CFAP54: variants seen among roughly 807,000 people sequenced by gnomAD.
CFAP54 encodes cilia and flagella associated protein 54.
In CFAP54, 290 loss-of-function variants were observed where a neutral mutation model predicts 370.4. The ratio of observed to expected loss-of-function variants is 0.78; its 90% CI spans 0.71 to 0.86. CFAP54 has a LOEUF of 0.86. Ranked by LOEUF, CFAP54 falls within the 40% of genes least tolerant of loss-of-function variation. CFAP54 has a pLI of 0.00. For synonymous variants in CFAP54, 1,206 were observed against 1,236.5 expected (o/e 0.98, Z 0.52); for missense variants, 3,399 against 3,528.7 (o/e 0.96, Z 0.93).
At chr12:96,791,851 CTTT>C (rs112115771) in intron 62 of CFAP54, among the ~76,000 whole-genome samples, 4 of 134,452 alleles carry the variant, frequency 3.0e-5, no homozygotes, top group Non-Finnish European at 4.9e-5. Flanking sequence ...ATTTTTTTTT[CTTT>C]TTTTTTTTTT....
At chr12:96,753,645 T>C in intron 55 of CFAP54, 98 bp from the exon 56 acceptor site, 1 of 1,179,834 alleles carries the variant, frequency 8.5e-7, no homozygotes, top group Non-Finnish European at 1.2e-6. Context: ...AAGTTCTTGA[T>C]AGATTTCATT....
intron 65 of CFAP54, among the ~76,000 whole-genome samples, chr12:96,828,223 C>T (rs1462202156): frequency 6.6e-6 from 1 of 150,840 alleles, no homozygotes; most frequent in Non-Finnish European, 1.5e-5. Flanking sequence ...CTTACAGTAA[C>T]TCAAGTCATT....
intron 15 of CFAP54, among the ~76,000 whole-genome samples, chr12:96,553,719 G>A (rs1287355660): frequency 6.6e-6 from 1 of 151,590 alleles, no homozygotes; most frequent in Non-Finnish European, 1.5e-5. Context: ...ACATTAAAAA[G>A]TGTTTAGTTT....
At chr12:96,814,229 C>G (rs2136730892) in intron 64 of CFAP54, among the ~76,000 whole-genome samples, 1 of 152,326 alleles carries the variant, frequency 6.6e-6, no homozygotes, top group East Asian at 1.9e-4. Flanking sequence ...ACTTCTTTCT[C>G]TAGGTATTGG....
At chr12:96,646,995 T>G (rs1956801674) in intron 33 of CFAP54, 1 of 152,102 alleles carries the variant, frequency 6.6e-6, no homozygotes, top group Non-Finnish European at 1.5e-5. Flanking sequence ...GAGATATACC[T>G]AATGTTAAAT....
chr12:96,857,481 A>G (rs979689087), intron 66 of CFAP54, among the ~76,000 whole-genome samples: 1 of 152,190 alleles, frequency 6.6e-6, no homozygotes, highest in Non-Finnish European at 1.5e-5. Flanking sequence ...TTCTTCTTTT[A>G]TGGCTGCATA....
At chr12:96,806,743 T>C (rs917955781) in intron 63 of CFAP54, among the ~76,000 whole-genome samples, 9 of 152,106 alleles carry the variant, frequency 5.9e-5, no homozygotes, top group Non-Finnish European at 1.2e-4. Context: ...TGGGCCAGGT[T>C]GACCATGCAA....
chr12:96,751,360 G>A (rs912493589), intron 55 of CFAP54, among the ~76,000 whole-genome samples: 1 of 151,984 alleles, frequency 6.6e-6, no homozygotes, highest in Non-Finnish European at 1.5e-5. Flanking sequence ...CATAATCCCT[G>A]TAACAATTCT....
intron 22 of CFAP54, among the ~76,000 whole-genome samples, chr12:96,583,614 T>G (rs556745174): frequency 6.6e-6 from 1 of 152,350 alleles, no homozygotes; most frequent in South Asian, 2.1e-4. Flanking sequence ...CTTTTATAGT[T>G]GAAGGAACAG....
chr12:96,848,434 C>T (rs1171704926), intron 66 of CFAP54, among the ~76,000 whole-genome samples: 1 of 152,166 alleles, frequency 6.6e-6, no homozygotes, highest in African/African-American at 2.4e-5. Context: ...TGCAGTGGCT[C>T]ACGCCTGTAA....
intron 39 of CFAP54, among the ~76,000 whole-genome samples, chr12:96,673,888 C>A (rs931116939): frequency 4.6e-5 from 7 of 152,212 alleles, no homozygotes; most frequent in Non-Finnish European, 1.0e-4. Context: ...ATTCTCCCTT[C>A]AACTATTTAA....
At chr12:96,553,725 A>C (rs1005284919) in intron 15 of CFAP54, among the ~76,000 whole-genome samples, 1 of 151,716 alleles carries the variant, frequency 6.6e-6, no homozygotes, top group Non-Finnish European at 1.5e-5. Context: ...AAAAGTGTTT[A>C]GTTTTTGAAA....
intron 17 of CFAP54, among the ~76,000 whole-genome samples, chr12:96,557,861 A>G (rs1332932209): frequency 6.6e-6 from 1 of 152,090 alleles, no homozygotes; most frequent in African/African-American, 2.4e-5. Context: ...ATATACATAA[A>G]TTTATCATAT....
At chr12:96,511,846 C>T (rs113464074) in intron 4 of CFAP54, among the ~76,000 whole-genome samples, 10 of 152,252 alleles carry the variant, frequency 6.6e-5, no homozygotes, top group South Asian at 6.2e-4. Flanking sequence ...TTTATGGTTA[C>T]GAATATTAGA....
intron 30 of CFAP54, among the ~76,000 whole-genome samples, chr12:96,628,683 T>C (rs1411762194): frequency 1.3e-5 from 2 of 152,166 alleles, no homozygotes; most frequent in Middle Eastern, 3.2e-3. Context: ...CTTAGGATTG[T>C]TACAGCTGAA....
intron 17 of CFAP54, among the ~76,000 whole-genome samples, chr12:96,559,343 T>C (rs944000636): frequency 3.9e-5 from 6 of 152,228 alleles, no homozygotes; most frequent in Admixed American, 6.5e-5. Flanking sequence ...ATGCATTGCA[T>C]ATCTGTATTA....
At chr12:96,750,130 G>C (rs1384121775) in intron 55 of CFAP54, among the ~76,000 whole-genome samples, 1 of 152,244 alleles carries the variant, frequency 6.6e-6, no homozygotes, top group East Asian at 1.9e-4. Context: ...TGGAGCTAGA[G>C]ACCTTGTTCC....
At chr12:96,554,547 G>T in intron 16 of CFAP54, 129 bp from the exon 17 acceptor site, 2 of 1,106,786 alleles carry the variant, frequency 1.8e-6, no homozygotes, top group Non-Finnish European at 2.5e-6. Flanking sequence ...AACTGCAAAG[G>T]GCTGAGAAGT....
At chr12:96,591,693 T>A (rs1956125973) in intron 23 of CFAP54, among the ~76,000 whole-genome samples, 1 of 151,786 alleles carries the variant, frequency 6.6e-6, no homozygotes, top group African/African-American at 2.4e-5. Flanking sequence ...ATCGAGACCA[T>A]CCTGGCTAAC....
Sources: allele counts gnomAD v4.1 joint callset (sites outside exome capture counted in the v4.1 genomes callset), GRCh38; gene constraint gnomAD v4.1.1; transcripts MANE v1.5; gene names NCBI Gene and HGNC (gene_info 2026-07-23, HGNC 2026-07-21).